FSTL1: variants seen among roughly 807,000 people sequenced by gnomAD.
FSTL1 encodes the protein follistatin like 1, also known as follistatin-related protein 1.
Under a neutral mutation model 45.9 loss-of-function variants are expected in FSTL1, and 24 were observed. That is an observed-to-expected ratio of 0.52 (90% CI 0.38 to 0.74). FSTL1 has a LOEUF of 0.74. Among genes scored for constraint, FSTL1 ranks in the 30% least tolerant of loss-of-function variants. FSTL1 has a pLI of 0.00. For missense variants in FSTL1, 340 were observed against 381.8 expected (o/e 0.89, Z 0.91); for synonymous variants, 120 against 137.6 (o/e 0.87, Z 0.89).
At chr3:120,415,777 G>GA in intron 3 of FSTL1, 146 bp downstream of exon 3, 1 of 505,386 alleles carries the variant, frequency 2.0e-6, no homozygotes, top group South Asian at 4.1e-5. Flanking sequence ...CAGGAATCTG[G>GA]AATAAGAATT....
At chr3:120,415,208 C>G (rs745873404) in intron 3 of FSTL1, among the ~76,000 whole-genome samples, 28 of 151,060 alleles carry the variant, frequency 1.9e-4, no homozygotes, top group Non-Finnish European at 3.5e-4. Context: ...CTAGCAAGCC[C>G]TGGTGTCAAT....
At position 120,396,824 on chromosome 3, in the gene FSTL1, A is replaced by G; in HGVS notation, c.*128T>C. 12 of 739,468 alleles carry G rather than the reference A, an allele frequency of 1.6e-5. No homozygotes were observed. Among genetic ancestry groups the G allele is most frequent in the Non-Finnish European group, 2.9e-5 (12 of 415,038 alleles). The allele number at this position is 739,468 out of a possible 1,614,324, so 45.8% of individuals were successfully genotyped here. On this transcript the variant is annotated 3_prime_UTR_variant, in exon 11 of 11. Transcript: ENST00000295633. Reference sequence around the variant, plus strand: ...TCCTTTATTGCAAAACAAATAAACAAAATAAAACTCATTGCTATATAAGCA... The same window carrying G: ...TCCTTTATTGCAAAACAAATAAACAGAATAAAACTCATTGCTATATAAGCA...
rs1937716986 is a variant in FSTL1 at position 120,445,444 on chromosome 3, G to A, written c.63+5240C>T. Among the ~76,000 whole-genome samples the A allele has an allele frequency of 2.7e-5, 4 of 148,934 alleles. No homozygotes were observed. In the South Asian group the frequency reaches 8.3e-4, roughly 31 times the overall value. Reference sequence around the variant, plus strand: ...AAAGATAGCCATCTTTGGGCAGAGAGTCATGAAATGTACCCTAGATCATCC... The same window carrying A: ...AAAGATAGCCATCTTTGGGCAGAGAATCATGAAATGTACCCTAGATCATCC... On this transcript the variant is annotated intron_variant, in intron 2 of 10. Coordinates refer to ENST00000295633, the MANE Select transcript of FSTL1 (RefSeq NM_007085.5).
Position 120,393,185 on chromosome 3 carries a change from C to T in FSTL1, c.*3767G>A, listed in dbSNP as rs1936625143. 6.6e-6 allele frequency: 1 copy of T among 152,058 alleles called. No homozygotes were observed. The highest frequency in any genetic ancestry group is 2.1e-4 in the South Asian group (1 of 4,824). 9.4% of individuals were successfully genotyped at this position (152,058 alleles called of 1,614,324 possible). A position where few individuals can be genotyped will look rare whatever the true frequency, so the allele number is the denominator to read the frequency against. ...GCAGTAATCTGTAGCAATCACATAA[C>T]AAAAAAGATTGCCTTTTAATATTTG... is the stretch of plus-strand genomic sequence containing the variant. On this transcript the variant is annotated 3_prime_UTR_variant, in exon 11 of 11. Coordinates refer to ENST00000295633, the MANE Select transcript of FSTL1 (RefSeq NM_007085.5).
intron 2 of FSTL1, chr3:120,423,875 T>C (rs942417304): frequency 1.3e-5 from 2 of 152,188 alleles, no homozygotes; most frequent in Non-Finnish European, 2.9e-5. Flanking sequence ...AAAGTCCAAG[T>C]GGAAGTTTCT....
At chr3:120,397,280 A>C (rs966149287) in intron 10 of FSTL1, among the ~76,000 whole-genome samples, 4 of 152,220 alleles carry the variant, frequency 2.6e-5, no homozygotes, top group African/African-American at 9.6e-5. Flanking sequence ...AGGATGAAGA[A>C]AATGATGTTA....
intron 2 of FSTL1, among the ~76,000 whole-genome samples, chr3:120,420,317 G>A (rs1937256310): frequency 6.6e-6 from 1 of 152,180 alleles, no homozygotes; most frequent in African/African-American, 2.4e-5. Context: ...ACAAAAGTAT[G>A]AACCTATAAG....
chr3:120,400,234 A>G (rs1024858545), intron 9 of FSTL1: 1 of 452,420 alleles, frequency 2.2e-6, no homozygotes, highest in Non-Finnish European at 4.0e-6. Flanking sequence ...TGGCCCTACA[A>G]AAAAAGTTAT....
chr3:120,435,649 G>A (rs1406819937), intron 2 of FSTL1, among the ~76,000 whole-genome samples: 1 of 152,156 alleles, frequency 6.6e-6, no homozygotes, highest in Non-Finnish European at 1.5e-5. Flanking sequence ...ACACACTTCA[G>A]CCTAGGCAGA....
rs1560008278 is a variant in FSTL1 at position 120,394,483 on chromosome 3, G to A, written c.*2469C>T. On this transcript the variant is annotated 3_prime_UTR_variant, in exon 11 of 11. Transcript: ENST00000295633. ...AGGAAAGACATTCAGACTGGTCCACGTGGGCTTGTTAGCAGGCAGAGGAAC... is the reference window on the plus strand; with the variant it reads ...AGGAAAGACATTCAGACTGGTCCACATGGGCTTGTTAGCAGGCAGAGGAAC... 1 of 152,332 alleles carries A rather than the reference G, an allele frequency of 6.6e-6. No individual in the cohort carries two copies. Among genetic ancestry groups the A allele is most frequent in the Admixed American group, 6.5e-5 (1 of 15,300 alleles). 9.4% of individuals were successfully genotyped at this position (152,332 alleles called of 1,614,324 possible).
At chr3:120,415,332 A>G (rs952253200) in intron 3 of FSTL1, among the ~76,000 whole-genome samples, 1 of 152,258 alleles carries the variant, frequency 6.6e-6, no homozygotes, top group African/African-American at 2.4e-5. Flanking sequence ...TGGGAAAATG[A>G]TTGAATAAAT....
rs1937396412 is a variant in FSTL1 at position 120,427,126 on chromosome 3, T to A, written c.64-11099A>T. Among the ~76,000 whole-genome samples the A allele has an allele frequency of 2.0e-5, 3 of 152,298 alleles. No individual in the cohort carries two copies. The South Asian group carries it at 6.2e-4, about 32-fold the overall frequency. On this transcript the variant is annotated intron_variant, in intron 2 of 10. Coordinates refer to ENST00000295633, the MANE Select transcript of FSTL1 (RefSeq NM_007085.5). ...CCCACAAGACCACCTAAAAAAATAA[T>A]GTCACCATCTGGGAAGTCTGATTTG...
At chr3:120,412,241 C>T (rs751143817) in intron 3 of FSTL1, among the ~76,000 whole-genome samples, 4 of 152,218 alleles carry the variant, frequency 2.6e-5, no homozygotes, top group Non-Finnish European at 5.9e-5. Flanking sequence ...GAGACACCCT[C>T]TATAGTTTCA....
chr3:120,419,919 T>C (rs1263702378), intron 2 of FSTL1, among the ~76,000 whole-genome samples: 1 of 152,184 alleles, frequency 6.6e-6, no homozygotes, highest in Non-Finnish European at 1.5e-5. Flanking sequence ...ACAACCTCTG[T>C]GCAGGTCTCT....
At chr3:120,428,733 C>G (rs1383128636) in intron 2 of FSTL1, among the ~76,000 whole-genome samples, 1 of 140,074 alleles carries the variant, frequency 7.1e-6, no homozygotes, top group Non-Finnish European at 1.6e-5. Context: ...GACTCTGTCT[C>G]AGACAAAAAA....
intron 2 of FSTL1, among the ~76,000 whole-genome samples, chr3:120,437,456 T>G (rs1451890017): frequency 6.6e-6 from 1 of 152,150 alleles, no homozygotes; most frequent in East Asian, 1.9e-4. Context: ...AACACTAAAC[T>G]AAATTAAAAC....
chr3:120,435,764 C>T (rs1026371046), intron 2 of FSTL1, among the ~76,000 whole-genome samples: 3 of 152,160 alleles, frequency 2.0e-5, no homozygotes, highest in Non-Finnish European at 2.9e-5. Context: ...AGTCACTACA[C>T]GACAATGCCA....
intron 6 of FSTL1, among the ~76,000 whole-genome samples, chr3:120,405,386 A>G (rs1936928190): frequency 6.6e-6 from 1 of 152,200 alleles, no homozygotes; most frequent in South Asian, 2.1e-4. Context: ...AGGTCCCAGA[A>G]TATGTTTCTA....
intron 4 of FSTL1, among the ~76,000 whole-genome samples, chr3:120,411,529 G>A (rs1014267239): frequency 2.0e-5 from 3 of 152,212 alleles, no homozygotes; most frequent in African/African-American, 7.2e-5. Context: ...TTCTAAAAAG[G>A]TACATAATTC....
Sources: gnomAD v4.1 joint callset for allele counts (sites outside exome capture counted in the v4.1 genomes callset) on GRCh38, gnomAD v4.1.1 for gene constraint, MANE v1.5 for transcripts, NCBI Gene and HGNC (gene_info 2026-07-23, HGNC 2026-07-21) for gene names.